Variants in TRIB2 observed in about 807,000 individuals in gnomAD.
The protein encoded by TRIB2 is tribbles pseudokinase 2.
A neutral mutation model predicts 26.8 loss-of-function variants in TRIB2; 2 were observed. That is an observed-to-expected ratio of 0.07 (90% CI 0.03 to 0.24). The LOEUF (loss-of-function observed/expected upper bound fraction) is 0.24. Ranked by LOEUF, TRIB2 falls within the 10% of genes least tolerant of loss-of-function variation. The pLI is 1.00. For synonymous variants in TRIB2, 189 were observed against 187.3 expected (o/e 1.01, Z -0.08); for missense variants, 306 against 449.0 (o/e 0.68, Z 2.88).
At position 12,718,051 on chromosome 2, in the gene TRIB2, G is replaced by C. The variant is rs113192828; in HGVS notation, c.-257G>C. 7.7e-6 allele frequency: 4 copies of C among 522,282 alleles called. No individual in the cohort carries two copies. Among genetic ancestry groups the C allele is most frequent in the African/African-American group, 5.7e-5 (3 of 52,786 alleles). 32.4% of individuals were successfully genotyped at this position (522,282 alleles called of 1,614,324 possible). ...AAGTGCGGCGATTCTGCACATCGCCGACTGCTTTGGGGTAACAAAAAGACC... is the reference window on the plus strand; with the variant it reads ...AAGTGCGGCGATTCTGCACATCGCCCACTGCTTTGGGGTAACAAAAAGACC... On this transcript the variant is annotated 5_prime_UTR_variant, in exon 1 of 3. Transcript: ENST00000155926. The surrounding 1 kb of genome is among the most constrained non-coding windows in gnomAD (Gnocchi z 4.0).
At position 12,723,564 on chromosome 2, in the gene TRIB2, C is replaced by A. The variant is rs1661272181; in HGVS notation, c.563+12C>A. ...AAGGACGAAGAGAGGTAGGTCTCAT[C>A]CTGTCCAGACCTGGGTACTGTGATG... On this transcript the variant is annotated intron_variant, in intron 2 of 2. Coordinates refer to ENST00000155926, the MANE Select transcript of TRIB2 (RefSeq NM_021643.4). 6.2e-7 allele frequency: 1 copy of A among 1,609,810 alleles called. No individual in the cohort carries two copies. Among genetic ancestry groups the A allele is most frequent in the African/African-American group, 1.3e-5 (1 of 74,862 alleles).
intron 2 of TRIB2, chr2:12,724,809 G>A (rs1661303200): frequency 1.2e-6 from 2 of 1,612,032 alleles, no homozygotes. Flanking sequence ...ATAAATTGGT[G>A]TATGTGCTTC....
In TRIB2 at chr2:12,724,877, G is replaced by A. The variant is rs1250000201; in HGVS notation, c.563+1325G>A. ...GTTGACCCCCAACGATACTGACAAA[G>A]GTATTCTCTCTACCCTTGTATGTTC... is the stretch of plus-strand genomic sequence containing the variant. On this transcript the variant is annotated intron_variant, in intron 2 of 2. Coordinates refer to ENST00000155926, the MANE Select transcript of TRIB2 (RefSeq NM_021643.4). The A allele has an allele frequency of 1.5e-5, 23 of 1,576,452 alleles. 1 individual carries two copies. In the South Asian group the frequency reaches 2.3e-4, roughly 16 times the overall value.
chr2:12,740,724 C>A lies in TRIB2; in HGVS notation c.962C>A (p.Ala321Asp), dbSNP rs1306386546. 2 of 1,614,166 alleles carry A rather than the reference C, an allele frequency of 1.2e-6. No individual in the cohort carries two copies. Among genetic ancestry groups the A allele is most frequent in the South Asian group, 1.1e-5 (1 of 91,080 alleles). Residue 321 changes from alanine (A) to aspartate (D), a missense_variant, in exon 3 of 3, where the codon GCT (alanine) becomes GAT (aspartate). Ala to Asp is a moderately radical substitution (Grantham distance 126). This residue lies in a region of TRIB2 where 78 missense variants were observed against 104.9 expected (regional missense o/e 0.74). Transcript: ENST00000155926. The surrounding 1 kb of genome is among the most constrained non-coding windows in gnomAD (Gnocchi z 5.8). Reference protein sequence around the residue: ...DFSVSNSAYGAKEVSDQLVPD... With the variant: ...DFSVSNSAYGDKEVSDQLVPD... The stretch of plus-strand genomic sequence containing the variant: ...AGCGTCTCGAATTCAGCATATGGTG[C>A]TAAGGAAGTGTCTGACCAGCTGGTG...
intron 1 of TRIB2, among the ~76,000 whole-genome samples, chr2:12,721,814 T>G (rs149596088): frequency 1.2e-4 from 19 of 152,332 alleles, no homozygotes; most frequent in Non-Finnish European, 2.4e-4. Flanking sequence ...AGATTTTGTT[T>G]CAATTTTTTG....
intron 2 of TRIB2, among the ~76,000 whole-genome samples, chr2:12,731,178 C>T (rs1395464583): frequency 1.3e-5 from 2 of 152,110 alleles, no homozygotes; most frequent in African/African-American, 2.4e-5. Flanking sequence ...GAATGGTCAC[C>T]TCCGGGAGGT....
intron 2 of TRIB2, among the ~76,000 whole-genome samples, chr2:12,731,730 A>T (rs1048069060): frequency 5.9e-5 from 9 of 152,164 alleles, no homozygotes; most frequent in Non-Finnish European, 1.3e-4. Flanking sequence ...CTCCCTGTCA[A>T]GTGCAGCGTC....
chr2:12,732,074 T>C lies in TRIB2; in HGVS notation c.564-8252T>C, dbSNP rs1661470091. On this transcript the variant is annotated intron_variant, in intron 2 of 2. Transcript: ENST00000155926. This position sits in a 1 kb window ranked among gnomAD's most constrained non-coding sequence, Gnocchi z 4.2. ...TCTTGGGTTTCCCTTTCTGTTCCTA[T>C]GGCGACAGGATGGACTTCCTCTGTG... Among the ~76,000 whole-genome samples the C allele has an allele frequency of 6.6e-6, 1 of 152,172 alleles. No individual in the cohort carries two copies. Among genetic ancestry groups the C allele is most frequent in the Non-Finnish European group, 1.5e-5 (1 of 68,014 alleles).
At position 12,718,272 on chromosome 2, in the gene TRIB2, G is replaced by GT. The variant is rs768612987; in HGVS notation, c.-27dup. The GT allele has an allele frequency of 1.8e-4, 280 of 1,576,754 alleles. No individual in the cohort carries two copies. Among genetic ancestry groups the GT allele is most frequent in the East Asian group, 4.1e-4 (18 of 44,068 alleles). On this transcript the variant is annotated 5_prime_UTR_variant, in exon 1 of 3. Transcript: ENST00000155926. This position sits in a 1 kb window ranked among gnomAD's most constrained non-coding sequence, Gnocchi z 4.0. ...CGCCAGCGACTCATCTCTCCAGCGG[G>GT]TTTTTTTTTGTTTGTCGTGTGCGAT...
intron 2 of TRIB2, among the ~76,000 whole-genome samples, chr2:12,730,188 C>T (rs1661423333): frequency 1.3e-5 from 2 of 152,214 alleles, no homozygotes; most frequent in East Asian, 1.9e-4. Context: ...ACATGTGATT[C>T]ACCAATTTAA....
At chr2:12,723,127 A>C in intron 1 of TRIB2, 133 bp from the exon 2 acceptor site, 1 of 984,938 alleles carries the variant, frequency 1.0e-6, no homozygotes, top group Non-Finnish European at 1.5e-6. Context: ...GGCAGGGCCA[A>C]TGTGGTCTGG....
chr2:12,737,574 C>T (rs1661609688), intron 2 of TRIB2: 1 of 154,586 alleles, frequency 6.5e-6, no homozygotes, highest in South Asian at 2.0e-4. Context: ...TAATCAGCTC[C>T]ATTCCAGATT....
intron 2 of TRIB2, among the ~76,000 whole-genome samples, chr2:12,736,810 A>G (rs1661586828): frequency 6.6e-6 from 1 of 152,222 alleles, no homozygotes; most frequent in Non-Finnish European, 1.5e-5. Context: ...TGATCACCAT[A>G]ATGATACATA....
intron 2 of TRIB2, among the ~76,000 whole-genome samples, chr2:12,734,049 G>GTAA (rs1192267666): frequency 3.9e-5 from 6 of 152,206 alleles, no homozygotes; most frequent in African/African-American, 1.4e-4. Context: ...CTGCCCACGT[G>GTAA]TAAGCCTTGT....
Position 12,717,170 on chromosome 2 carries a change from C to T in TRIB2, c.-1138C>T, listed in dbSNP as rs74429569. 4 of 392,016 alleles carry T rather than the reference C, an allele frequency of 1.0e-5. No individual in the cohort carries two copies. The highest frequency in any genetic ancestry group is 4.1e-5 in the African/African-American group (2 of 48,410). The allele number at this position is 392,016 out of a possible 1,614,324, so 24.3% of individuals were successfully genotyped here. Reference sequence around the variant, plus strand: ...GAAATCAAAGAAGGAGGAGACAAGCCGTCAATTTTCTCCAAAACAAACCCC... The same window carrying T: ...GAAATCAAAGAAGGAGGAGACAAGCTGTCAATTTTCTCCAAAACAAACCCC... On this transcript the variant is annotated 5_prime_UTR_variant, in exon 1 of 3. Transcript: ENST00000155926. This position sits in a 1 kb window ranked among gnomAD's most constrained non-coding sequence, Gnocchi z 4.8.
intron 1 of TRIB2, among the ~76,000 whole-genome samples, chr2:12,719,199 G>A (rs1006507923): frequency 2.6e-5 from 4 of 152,072 alleles, no homozygotes; most frequent in Admixed American, 2.0e-4. Context: ...TGAATGCTTT[G>A]GGTCTTTCTC....
chr2:12,734,743 C>T (rs1168200858), intron 2 of TRIB2, among the ~76,000 whole-genome samples: 3 of 152,100 alleles, frequency 2.0e-5, no homozygotes, highest in Admixed American at 6.5e-5. Flanking sequence ...AGTAAATGCT[C>T]GGTAAATGTC....
At chr2:12,738,792 G>A (rs188351149) in intron 2 of TRIB2, among the ~76,000 whole-genome samples, 7 of 152,090 alleles carry the variant, frequency 4.6e-5, no homozygotes, top group Admixed American at 6.5e-5. Context: ...AAGTCACCGC[G>A]CATCCTGGCC....
Position 12,718,686 on chromosome 2 carries a change from C to A in TRIB2, c.270+109C>A. The A allele has an allele frequency of 7.1e-7, 1 of 1,401,652 alleles. No individual in the cohort carries two copies. Among genetic ancestry groups the A allele is most frequent in the East Asian group, 2.4e-5 (1 of 41,390 alleles). 86.8% of individuals were successfully genotyped at this position (1,401,652 alleles called of 1,614,324 possible). On this transcript the variant is annotated intron_variant, in intron 1 of 2. Transcript: ENST00000155926. The surrounding 1 kb of genome is among the most constrained non-coding windows in gnomAD (Gnocchi z 4.0). ...GAGATTCGCGGGATAATTACCGTGG[C>A]CTTATTAAATGGGTTTATTTATTTA... is the stretch of plus-strand genomic sequence containing the variant.
Sources: allele counts gnomAD v4.1 joint callset (sites outside exome capture counted in the v4.1 genomes callset), GRCh38; gene constraint gnomAD v4.1.1; regional missense constraint gnomAD v4.1.1; non-coding constraint Gnocchi (gnomAD v3.1); transcripts MANE v1.5; gene names NCBI Gene and HGNC (gene_info 2026-07-23, HGNC 2026-07-21).